C1orf202: variants seen among roughly 807,000 people sequenced by gnomAD.
The protein encoded by C1orf202 is chromosome 1 open reading frame 202.
At chr1:244,729,988 A>T in the C1orf202 span, 1 of 150,856 alleles carries the variant, frequency 6.6e-6, no homozygotes, top group Admixed American at 6.6e-5. Flanking sequence ...AACGCTTGGG[A>T]GGCTTAGGAT....
chr1:244,730,911 G>C, the C1orf202 span: 7 of 383,516 alleles, frequency 1.8e-5, no homozygotes, highest in Non-Finnish European at 3.2e-5. Context: ...CCACCAAACC[G>C]GGGGGCCGCC....
chr1:244,730,361 G>A, the C1orf202 span: 3 of 314,950 alleles, frequency 9.5e-6, no homozygotes, highest in East Asian at 5.1e-5. Flanking sequence ...CTACGGTGCT[G>A]GGGTTACTTT....
chr1:244,730,742 C>T, the C1orf202 span: 1 of 382,808 alleles, frequency 2.6e-6, no homozygotes, highest in Non-Finnish European at 4.6e-6. Flanking sequence ...GCGCGGGCCG[C>T]GGAACAGCCG....
chr1:244,730,858 CG>C, the C1orf202 span: 1 of 383,218 alleles, frequency 2.6e-6, no homozygotes, highest in Non-Finnish European at 4.6e-6. Flanking sequence ...CCAGGCGCGC[CG>C]CCTTCTCCAG....
the C1orf202 span, chr1:244,730,185 G>C: frequency 3.3e-5 from 7 of 213,146 alleles, no homozygotes; most frequent in Non-Finnish European, 6.4e-5. Flanking sequence ...TGCGCAGCGG[G>C]GGGAACCCAG....
chr1:244,730,302 AC>A, the C1orf202 span: 1 of 241,912 alleles, frequency 4.1e-6, no homozygotes, highest in Non-Finnish European at 7.9e-6. Flanking sequence ...CCTCAAGATA[AC>A]CCTTGGTTTC....
the C1orf202 span, chr1:244,730,975 C>T: frequency 5.5e-6 from 2 of 364,144 alleles, no homozygotes; most frequent in African/African-American, 4.2e-5. Flanking sequence ...CGGGAACCGT[C>T]GGGCTGGACA....
the C1orf202 span, chr1:244,730,582 C>T: frequency 1.6e-5 from 6 of 379,494 alleles, no homozygotes; most frequent in Non-Finnish European, 2.8e-5. Flanking sequence ...GGATCTCCTC[C>T]AGCCGGTCCG....
the C1orf202 span, chr1:244,730,913 G>C: frequency 2.6e-6 from 1 of 384,782 alleles, no homozygotes; most frequent in Non-Finnish European, 4.6e-6. Flanking sequence ...ACCAAACCGG[G>C]GGGCCGCCAT....
chr1:244,730,261 G>A, the C1orf202 span: 7 of 226,166 alleles, frequency 3.1e-5, no homozygotes, highest in Non-Finnish European at 6.0e-5. Context: ...GAGGCTGCGA[G>A]GAGGACGCGG....
chr1:244,730,685 G>C, the C1orf202 span: 2 of 383,642 alleles, frequency 5.2e-6, no homozygotes, highest in Admixed American at 4.5e-5. Context: ...GCCGCGCTCC[G>C]GGGCCTCCTT....
chr1:244,730,534 C>G, the C1orf202 span: 2 of 366,828 alleles, frequency 5.5e-6, no homozygotes, highest in Non-Finnish European at 9.7e-6. Flanking sequence ...CGGCCGCGGC[C>G]TCGTGGCCGC....
the C1orf202 span, chr1:244,730,806 G>T: frequency 2.6e-6 from 1 of 377,584 alleles, no homozygotes; most frequent in Non-Finnish European, 4.7e-6. Context: ...ACCGCGCGCC[G>T]CCCGACCGCC....
the C1orf202 span, chr1:244,730,662 A>AG: frequency 2.6e-6 from 1 of 384,480 alleles, no homozygotes; most frequent in Non-Finnish European, 4.6e-6. Flanking sequence ...TGCAGGCTCG[A>AG]GGGGCCCCAC....
the C1orf202 span, chr1:244,729,954 G>A: frequency 1.3e-5 from 2 of 151,894 alleles, no homozygotes; most frequent in African/African-American, 4.8e-5. Context: ...TTGACGGGGC[G>A]TGGTAGCTCA....
the C1orf202 span, chr1:244,730,810 G>C: frequency 1.1e-5 from 4 of 377,740 alleles, no homozygotes; most frequent in Admixed American, 4.6e-5. Context: ...CGCGCCGCCC[G>C]ACCGCCTCCG....
chr1:244,730,771 A>G, the C1orf202 span: 1 of 380,518 alleles, frequency 2.6e-6, no homozygotes, highest in Non-Finnish European at 4.7e-6. Context: ...ACCAGCACCC[A>G]GAGCAGGAGC....
At chr1:244,730,480 G>C in the C1orf202 span, 1 of 344,004 alleles carries the variant, frequency 2.9e-6, no homozygotes, top group Non-Finnish European at 5.2e-6. Flanking sequence ...GCTGGCGCGC[G>C]GGGGCGGCCT....
chr1:244,730,213 A>C, the C1orf202 span: 1 of 224,344 alleles, frequency 4.5e-6, no homozygotes. Context: ...CGGCACCCGC[A>C]GGCTTTAGTT....
Sources: allele counts gnomAD v4.1 joint callset, GRCh38; gene constraint gnomAD v4.1.1; transcripts MANE v1.5; gene names NCBI Gene and HGNC (gene_info 2026-07-23, HGNC 2026-07-21).